The following GRID2 variants were observed in gnomAD, a reference collection of about 807,000 sequenced individuals.
The protein encoded by GRID2 is glutamate receptor ionotropic, delta-2.
In GRID2, 33 loss-of-function variants were observed where a neutral mutation model predicts 114.8. That is an observed-to-expected ratio of 0.29 (90% confidence interval 0.22 to 0.38). The LOEUF (loss-of-function observed/expected upper bound fraction) is 0.38, where lower values mean the gene tolerates loss of function less well. GRID2 is among the 10% of genes least tolerant of loss of function. The pLI is 1.00. For missense variants in GRID2, 1,184 were observed against 1,257.7 expected, an observed-to-expected ratio of 0.94 and a Z score of 0.89; for synonymous variants, 505 against 449.9, an observed-to-expected ratio of 1.12 and a Z score of -1.55.
chr4:93,378,264 A>T (rs901615344), intron 8 of GRID2, among the ~76,000 whole-genome samples: 1 of 152,156 alleles, frequency 6.6e-6, no homozygotes, highest in Non-Finnish European at 1.5e-5. Flanking sequence ...TTTAGATTTC[A>T]ATGAATCCCC....
intron 11 of GRID2, among the ~76,000 whole-genome samples, chr4:93,469,974 A>G (rs1252965106): frequency 6.6e-6 from 1 of 152,118 alleles, no homozygotes; most frequent in African/African-American, 2.4e-5. Context: ...AAAAAGTGAA[A>G]ATTAAAATGT....
chr4:92,917,517 G>A (rs933609748), intron 2 of GRID2, among the ~76,000 whole-genome samples: 1 of 152,128 alleles, frequency 6.6e-6, no homozygotes, highest in Non-Finnish European at 1.5e-5. Flanking sequence ...GTCTTTAATC[G>A]ATCTTGAATT....
rs750913017 is a variant in GRID2 at position 93,238,418 on chromosome 4, A to G, written c.1173A>G (p.Gly391=). ...GAGAGCTAGAATTTGGAGAAAATGG[A>G]GGCAATCCCAATGTCCACTTTGAAA... ...LTGELEFGEN[G]GNPNVHFEIL... The change falls in exon 8 of 16, where the codon GGA becomes GGG. Residue 391 remains glycine, a synonymous_variant. Transcript: ENST00000282020. 1.9e-6 allele frequency: 3 copies of G among 1,606,708 alleles called. No individual in the cohort carries two copies. Among genetic ancestry groups the G allele is most frequent in the Non-Finnish European group, 2.6e-6 (3 of 1,173,984 alleles).
chr4:93,155,498 T>C (rs1180550419), intron 4 of GRID2, among the ~76,000 whole-genome samples: 1 of 151,978 alleles, frequency 6.6e-6, no homozygotes, highest in South Asian at 2.1e-4. Context: ...CTTAACAAAT[T>C]TTATTGTAAT....
intron 13 of GRID2, among the ~76,000 whole-genome samples, chr4:93,553,023 A>T (rs549436762): frequency 1.9e-4 from 29 of 152,182 alleles, no homozygotes; most frequent in African/African-American, 6.3e-4. Context: ...TTCTTTATCC[A>T]GTCTATTATT....
At chr4:93,267,860 T>C (rs997539561) in intron 8 of GRID2, among the ~76,000 whole-genome samples, 2 of 152,188 alleles carry the variant, frequency 1.3e-5, no homozygotes, top group Admixed American at 1.3e-4. Flanking sequence ...CAGCCCTCTC[T>C]GAGCTAGGAT....
intron 1 of GRID2, among the ~76,000 whole-genome samples, chr4:92,530,172 A>C (rs114415840): frequency 0.022 from 3,308 of 152,184 alleles, 49 homozygotes; most frequent in Non-Finnish European, 0.032. Flanking sequence ...AGGATGATAG[A>C]ATTAGAAAAT....
intron 1 of GRID2, among the ~76,000 whole-genome samples, chr4:92,312,505 T>C (rs1725758875): frequency 6.6e-6 from 1 of 152,008 alleles, no homozygotes; most frequent in South Asian, 2.1e-4. Context: ...CCAGAGAAAG[T>C]AAAGAGGCTT....
chr4:93,166,352 C>A (rs1738247248), intron 4 of GRID2, among the ~76,000 whole-genome samples: 1 of 152,150 alleles, frequency 6.6e-6, no homozygotes, highest in Admixed American at 6.6e-5. Context: ...CTCTACACTC[C>A]CTTCATTTGG....
intron 2 of GRID2, among the ~76,000 whole-genome samples, chr4:93,000,798 A>C (rs1720889315): frequency 9.3e-6 from 1 of 107,330 alleles, no homozygotes; most frequent in African/African-American, 3.5e-5. Flanking sequence ...GACACTGGGG[A>C]CTCTAAAATT....
At chr4:92,864,805 A>G (rs1363066082) in intron 2 of GRID2, among the ~76,000 whole-genome samples, 1 of 152,206 alleles carries the variant, frequency 6.6e-6, no homozygotes, top group Non-Finnish European at 1.5e-5. Flanking sequence ...CTGGATAAAC[A>G]AAGACATCTT....
At chr4:92,701,911 G>A (rs1734692745) in intron 2 of GRID2, among the ~76,000 whole-genome samples, 1 of 152,082 alleles carries the variant, frequency 6.6e-6, no homozygotes, top group Admixed American at 6.5e-5. Context: ...ACCAGTTTAA[G>A]CAAATTATTA....
chr4:92,735,333 A>G (rs1462772496), intron 2 of GRID2, among the ~76,000 whole-genome samples: 1 of 152,116 alleles, frequency 6.6e-6, no homozygotes, highest in African/African-American at 2.4e-5. Context: ...AGTTTAATTT[A>G]TAAATTAAAC....
At chr4:92,548,846 G>A (rs920744046) in intron 1 of GRID2, among the ~76,000 whole-genome samples, 4 of 152,010 alleles carry the variant, frequency 2.6e-5, no homozygotes, top group Middle Eastern at 3.4e-3. Context: ...ACTACACATC[G>A]CCAGAGAAGG....
chr4:92,873,471 A>G (rs1239848486), intron 2 of GRID2, among the ~76,000 whole-genome samples: 2 of 152,114 alleles, frequency 1.3e-5, no homozygotes, highest in African/African-American at 2.4e-5. Flanking sequence ...TATTATTAAA[A>G]TTGGACTTGA....
At chr4:93,460,562 C>T (rs1723644480) in intron 11 of GRID2, among the ~76,000 whole-genome samples, 1 of 152,146 alleles carries the variant, frequency 6.6e-6, no homozygotes, top group Non-Finnish European at 1.5e-5. Flanking sequence ...ATAGTACTTA[C>T]CAACCATAGT....
At chr4:92,913,947 T>C (rs1435055116) in intron 2 of GRID2, among the ~76,000 whole-genome samples, 1 of 152,102 alleles carries the variant, frequency 6.6e-6, no homozygotes, top group Non-Finnish European at 1.5e-5. Flanking sequence ...TTAAAAATTA[T>C]AATTAGCAAG....
chr4:93,451,232 A>G (rs780401713), intron 10 of GRID2, among the ~76,000 whole-genome samples: 15 of 152,102 alleles, frequency 9.9e-5, no homozygotes, highest in Non-Finnish European at 1.5e-4. Context: ...TGAAAAGATC[A>G]TATAAACATA....
intron 10 of GRID2, among the ~76,000 whole-genome samples, chr4:93,437,585 T>C (rs905458458): frequency 6.6e-6 from 1 of 152,104 alleles, no homozygotes; most frequent in Non-Finnish European, 1.5e-5. Context: ...TGTAAAAGAT[T>C]TGCATTTCTA....
Sources: gnomAD v4.1 joint callset for allele counts (sites outside exome capture counted in the v4.1 genomes callset) on GRCh38, gnomAD v4.1.1 for gene constraint, MANE v1.5 for transcripts, NCBI Gene and HGNC (gene_info 2026-07-23, HGNC 2026-07-21) for gene names.